Variants in BID observed in about 807,000 individuals in gnomAD.
BID encodes the protein BH3-interacting domain death agonist.
A neutral mutation model predicts 17.4 loss-of-function variants in BID; 19 were observed. That is an observed-to-expected ratio of 1.09 (90% CI 0.76 to 1.60). The LOEUF is 1.60. Ranked by LOEUF, BID falls within the 40% of genes most tolerant of loss-of-function variation. The pLI is 0.00. For missense variants in BID, 226 were observed against 256.0 expected, an observed-to-expected ratio of 0.88 and a Z score of 0.80; for synonymous variants, 108 against 102.8, an observed-to-expected ratio of 1.05 and a Z score of -0.31.
intron 2 of BID, 75 bp from the exon 3 acceptor site, chr22:17,744,088 C>T: frequency 5.1e-6 from 7 of 1,361,534 alleles, no homozygotes; most frequent in Non-Finnish European, 7.2e-6. Context: ...GCTCCAGTTG[C>T]AGCTGGCCCA....
intron 1 of BID, among the ~76,000 whole-genome samples, chr22:17,751,168 C>T (rs559302456): frequency 1.3e-5 from 2 of 151,136 alleles, no homozygotes; most frequent in Admixed American, 1.3e-4. Flanking sequence ...GTCAGGAGAT[C>T]GAGACCATCC....
chr22:17,743,660 A>G, intron 3 of BID, 143 bp downstream of exon 3: 1 of 822,130 alleles, frequency 1.2e-6, no homozygotes, highest in Non-Finnish European at 1.9e-6. Context: ...CAGTCAAGTG[A>G]TTAAGTGATA....
chr22:17,760,690 G>A (rs1006194347), intron 1 of BID, among the ~76,000 whole-genome samples: 3 of 152,142 alleles, frequency 2.0e-5, no homozygotes, highest in Non-Finnish European at 4.4e-5. Context: ...CTGGCCCGGC[G>A]CGCTGGGGTG....
At chr22:17,762,255 G>C (rs1439276464) in intron 1 of BID, among the ~76,000 whole-genome samples, 1 of 152,196 alleles carries the variant, frequency 6.6e-6, no homozygotes, top group African/African-American at 2.4e-5. Flanking sequence ...CCAGAACTTT[G>C]GGAGGCCGAG....
At chr22:17,757,509 C>T (rs569059600) in intron 1 of BID, among the ~76,000 whole-genome samples, 7 of 149,412 alleles carry the variant, frequency 4.7e-5, no homozygotes, top group Admixed American at 1.3e-4. Flanking sequence ...GAGATCCAGA[C>T]CATCCTGGCT....
intron 2 of BID, among the ~76,000 whole-genome samples, chr22:17,748,632 G>A (rs185324336): frequency 6.6e-6 from 1 of 152,226 alleles, no homozygotes; most frequent in Admixed American, 6.5e-5. Context: ...CAGCTCTGTG[G>A]CCCTGGGCGG....
intron 3 of BID, among the ~76,000 whole-genome samples, chr22:17,742,245 G>C (rs1399518869): frequency 4.0e-5 from 6 of 151,608 alleles, no homozygotes; most frequent in Admixed American, 2.0e-4. Context: ...GTCAACCCCG[G>C]TTTCTCAGTC....
chr22:17,771,351 G>C lies in BID; in HGVS notation c.-59+3030C>G, dbSNP rs1018508431. 1.3e-5 allele frequency among the ~76,000 whole-genome samples: 2 copies of C among 152,052 alleles called. 1 individual carries two copies. Among genetic ancestry groups the C allele is most frequent in the South Asian group, 4.1e-4 (2 of 4,836 alleles). On this transcript the variant is annotated intron_variant, in intron 1 of 5. Transcript: ENST00000622694. ...CCTGACCTCATGATCCGCCCAACTC[G>C]GCCTCCCAAAGTGCTGGGATTACAG...
At chr22:17,760,951 C>T (rs1249694548) in intron 1 of BID, among the ~76,000 whole-genome samples, 2 of 152,200 alleles carry the variant, frequency 1.3e-5, no homozygotes, top group African/African-American at 2.4e-5. Flanking sequence ...CTGACAAGCA[C>T]GGGGCCTCCC....
intron 5 of BID, among the ~76,000 whole-genome samples, chr22:17,736,906 C>T (rs940793101): frequency 1.3e-5 from 2 of 151,962 alleles, no homozygotes; most frequent in East Asian, 1.9e-4. Context: ...AGGGTTCAAG[C>T]GATTCTCCTG....
chr22:17,742,120 C>A (rs774083467), intron 3 of BID, among the ~76,000 whole-genome samples: 83 of 152,360 alleles, frequency 5.4e-4, no homozygotes, highest in Non-Finnish European at 9.7e-4. Flanking sequence ...GAAACCCCGG[C>A]AGCCAGAGCC....
intron 1 of BID, among the ~76,000 whole-genome samples, chr22:17,751,223 T>G (rs923663550): frequency 1.0e-4 from 15 of 149,270 alleles, no homozygotes; most frequent in Admixed American, 1.0e-3. Flanking sequence ...ATACAAAAAA[T>G]TAGCCGGGCG....
chr22:17,739,343 A>C lies in BID; in HGVS notation c.363+6T>G. 6.3e-7 allele frequency: 1 copy of C among 1,582,364 alleles called. No individual in the cohort carries two copies. Among genetic ancestry groups the C allele is most frequent in the Non-Finnish European group, 8.6e-7 (1 of 1,166,808 alleles). On this transcript the variant is annotated splice_donor_region_variant and intron_variant, in intron 4 of 5. Coordinates refer to ENST00000622694, the MANE Select transcript of BID (RefSeq NM_001196.4). ...CCGCCCACGCGGTCCTCAGGCCCTC[A>C]CTCACCTCCTCCGACCGGCTGGTGT...
At chr22:17,748,774 C>A (rs974567819) in intron 2 of BID, among the ~76,000 whole-genome samples, 2 of 152,160 alleles carry the variant, frequency 1.3e-5, no homozygotes, top group African/African-American at 4.8e-5. Context: ...CGAGTCAGGG[C>A]GCTGCGCGGG....
At chr22:17,752,650 T>C (rs1422356055) in intron 1 of BID, among the ~76,000 whole-genome samples, 1 of 149,420 alleles carries the variant, frequency 6.7e-6, no homozygotes, top group Non-Finnish European at 1.5e-5. Context: ...GACAGGGCTG[T>C]GATGAGTACC....
intron 3 of BID, chr22:17,740,231 C>T (rs928428130): frequency 1.7e-5 from 26 of 1,490,430 alleles, no homozygotes; most frequent in African/African-American, 5.6e-5. Flanking sequence ...GTTTTGTCCA[C>T]TGACAAATAC....
At chr22:17,746,766 G>A (rs1176895248) in intron 2 of BID, among the ~76,000 whole-genome samples, 2 of 152,214 alleles carry the variant, frequency 1.3e-5, no homozygotes, top group African/African-American at 4.8e-5. Context: ...GACGCCATGT[G>A]AAGACAGAGG....
chr22:17,762,879 G>A (rs2061650802), intron 1 of BID, among the ~76,000 whole-genome samples: 1 of 151,562 alleles, frequency 6.6e-6, no homozygotes, highest in Non-Finnish European at 1.5e-5. Context: ...AAACCTGTTT[G>A]TTTGTTTGTT....
Position 17,740,200 on chromosome 22 carries a change from G to A in BID, c.224-712C>T, listed in dbSNP as rs774929940. ...CCCTGCCAGAAGGTAAGCTCCCTAA[G>A]GGCTGTGATTTTTTTAATCTGTTTT... is the stretch of plus-strand genomic sequence containing the variant. On this transcript the variant is annotated intron_variant, in intron 3 of 5. Transcript: ENST00000622694. The A allele has an allele frequency of 4.4e-6, 7 of 1,603,558 alleles. No homozygotes were observed. In the African/African-American group the frequency reaches 9.4e-5, roughly 22 times the overall value.
Sources: allele counts gnomAD v4.1 joint callset (sites outside exome capture counted in the v4.1 genomes callset), GRCh38; gene constraint gnomAD v4.1.1; transcripts MANE v1.5; gene names NCBI Gene and HGNC (gene_info 2026-07-23, HGNC 2026-07-21).